The following B3GALT1 variants were observed in gnomAD, a reference collection of about 807,000 sequenced individuals.
B3GALT1 encodes the protein UDP-Gal:betaGlcNAc beta 1,3-galactosyltransferase, polypeptide 1.
A neutral mutation model predicts 23.2 loss-of-function variants in B3GALT1; 10 were observed. The observed-to-expected ratio is 0.43, with a 90% CI of 0.27 to 0.73. The LOEUF is 0.73. B3GALT1 is among the 30% of genes least tolerant of loss of function. B3GALT1 has a pLI of 0.21. For missense variants in B3GALT1, 299 were observed against 405.4 expected, an observed-to-expected ratio of 0.74 and a Z score of 2.25; for synonymous variants, 156 against 141.5, an observed-to-expected ratio of 1.10 and a Z score of -0.73.
chr2:167,438,856 G>A (rs1047560830), intron 1 of B3GALT1, among the ~76,000 whole-genome samples: 3 of 152,196 alleles, frequency 2.0e-5, no homozygotes, highest in Admixed American at 1.3e-4. Context: ...TTGATACTGG[G>A]AGAAAGACAG....
intron 2 of B3GALT1, among the ~76,000 whole-genome samples, chr2:167,608,111 T>C (rs1187273961): frequency 1.3e-5 from 2 of 152,174 alleles, no homozygotes; most frequent in East Asian, 3.9e-4. Context: ...TAACGGCCCA[T>C]GTAAATTAAA....
rs1690386583 is a variant in B3GALT1, at chr2:167,873,299, A to C, written c.*3279A>C. 1 of 152,136 alleles carries C rather than the reference A, an allele frequency of 6.6e-6. No homozygotes were observed. Among genetic ancestry groups the C allele is most frequent in the African/African-American group, 2.4e-5 (1 of 41,420 alleles). The allele number at this position is 152,136 out of a possible 1,614,324, so 9.4% of individuals were successfully genotyped here. A position where few individuals can be genotyped will look rare whatever the true frequency, so the allele number is the denominator to read the frequency against. ...AGTTTCGGTGGCTTGGTGTCTTCTT[A>C]TATTGGAACAAGTGTCCATTTCAAT... On this transcript the variant is annotated 3_prime_UTR_variant, in exon 5 of 5. Transcript: ENST00000392690.
At chr2:167,691,902 G>T (rs529613182) in intron 3 of B3GALT1, among the ~76,000 whole-genome samples, 1 of 152,100 alleles carries the variant, frequency 6.6e-6, no homozygotes, top group African/African-American at 2.4e-5. Flanking sequence ...CATATTACTC[G>T]TACATAAAGT....
intron 2 of B3GALT1, among the ~76,000 whole-genome samples, chr2:167,513,289 A>G (rs1165973935): frequency 1.3e-5 from 2 of 152,140 alleles, no homozygotes; most frequent in Non-Finnish European, 2.9e-5. Flanking sequence ...GAAAATAAGG[A>G]TGCTTGCTAT....
chr2:167,670,477 G>T (rs1279836085), intron 3 of B3GALT1, among the ~76,000 whole-genome samples: 5 of 152,102 alleles, frequency 3.3e-5, no homozygotes, highest in Non-Finnish European at 7.4e-5. Context: ...AACAATGCAA[G>T]ATTTCAAGGA....
intron 3 of B3GALT1, among the ~76,000 whole-genome samples, chr2:167,720,418 C>T (rs1045225395): frequency 3.3e-5 from 5 of 152,112 alleles, no homozygotes; most frequent in Admixed American, 1.3e-4. Flanking sequence ...GGAAATTGTT[C>T]CCAGTTTTTG....
At chr2:167,391,676 A>G (rs1698015997) in intron 1 of B3GALT1, among the ~76,000 whole-genome samples, 1 of 152,120 alleles carries the variant, frequency 6.6e-6, no homozygotes, top group Admixed American at 6.6e-5. Flanking sequence ...TCTCCTCTCA[A>G]CTGTCTTTAC....
intron 2 of B3GALT1, among the ~76,000 whole-genome samples, chr2:167,501,566 A>G (rs1469489072): frequency 6.6e-6 from 1 of 151,916 alleles, no homozygotes; most frequent in Non-Finnish European, 1.5e-5. Flanking sequence ...TATTTACAAA[A>G]CACAAAAAAG....
intron 1 of B3GALT1, among the ~76,000 whole-genome samples, chr2:167,304,795 G>T (rs1696524778): frequency 6.6e-6 from 1 of 152,096 alleles, no homozygotes; most frequent in Admixed American, 6.6e-5. Context: ...CCATCAACAG[G>T]CTGGAAAATT....
chr2:167,631,965 C>G (rs1046636740), intron 2 of B3GALT1, among the ~76,000 whole-genome samples: 5 of 151,618 alleles, frequency 3.3e-5, no homozygotes, highest in Admixed American at 3.3e-4. Context: ...CACTGACAGG[C>G]CCCGGTGTGT....
chr2:167,549,451 C>T (rs1016526749), intron 2 of B3GALT1, among the ~76,000 whole-genome samples: 18 of 152,172 alleles, frequency 1.2e-4, no homozygotes, highest in South Asian at 8.3e-4. Flanking sequence ...ATACTTCAGA[C>T]GAGTTCCTGA....
chr2:167,456,219 G>A (rs1699171960), intron 1 of B3GALT1, among the ~76,000 whole-genome samples: 1 of 152,160 alleles, frequency 6.6e-6, no homozygotes, highest in Non-Finnish European at 1.5e-5. Flanking sequence ...CATGTCACAT[G>A]GCAAGAGGGA....
intron 3 of B3GALT1, among the ~76,000 whole-genome samples, chr2:167,803,498 A>G (rs747953417): frequency 2.0e-5 from 3 of 152,170 alleles, no homozygotes; most frequent in Non-Finnish European, 4.4e-5. Context: ...GCGTAGCTCT[A>G]TTGTTTTTGG....
chr2:167,421,202 ATTAAAC>A (rs1479700715), intron 1 of B3GALT1, among the ~76,000 whole-genome samples: 1 of 152,220 alleles, frequency 6.6e-6, no homozygotes, highest in Admixed American at 6.5e-5. Flanking sequence ...ATGTAAATTA[ATTAAAC>A]TTAGATAAAA....
At chr2:167,459,733 G>A (rs1699227389) in intron 1 of B3GALT1, among the ~76,000 whole-genome samples, 1 of 152,106 alleles carries the variant, frequency 6.6e-6, no homozygotes, top group South Asian at 2.1e-4. Flanking sequence ...ACTGTCTGGT[G>A]TCCTTTCATT....
chr2:167,807,092 T>C (rs1688771873), intron 3 of B3GALT1, among the ~76,000 whole-genome samples: 1 of 138,194 alleles, frequency 7.2e-6, no homozygotes, highest in African/African-American at 2.7e-5. Flanking sequence ...ATTTTCTAGT[T>C]TATTTGCGTA....
chr2:167,644,867 C>T (rs1685718401), intron 2 of B3GALT1, among the ~76,000 whole-genome samples: 1 of 149,594 alleles, frequency 6.7e-6, no homozygotes, highest in African/African-American at 2.5e-5. Context: ...CACTTCCAAA[C>T]AGGAGCCCTC....
At chr2:167,813,048 G>GTACTT (rs1303919320) in intron 3 of B3GALT1, among the ~76,000 whole-genome samples, 1 of 123,364 alleles carries the variant, frequency 8.1e-6, no homozygotes, top group South Asian at 2.5e-4. Flanking sequence ...CTCCATTACT[G>GTACTT]TACTTTATTA....
At chr2:167,340,985 A>G (rs1697138310) in intron 1 of B3GALT1, among the ~76,000 whole-genome samples, 1 of 152,208 alleles carries the variant, frequency 6.6e-6, no homozygotes, top group South Asian at 2.1e-4. Context: ...AACTCAAAAC[A>G]ACAAAATAAA....
Sources: gnomAD v4.1 joint callset for allele counts (sites outside exome capture counted in the v4.1 genomes callset) on GRCh38, gnomAD v4.1.1 for gene constraint, MANE v1.5 for transcripts, NCBI Gene and HGNC (gene_info 2026-07-23, HGNC 2026-07-21) for gene names.